The following SOX13 variants were observed in gnomAD, a reference collection of about 807,000 sequenced individuals.
SOX13 encodes SRY-box transcription factor 13.
Under a neutral mutation model 71.8 loss-of-function variants are expected in SOX13, and 28 were observed. The observed-to-expected ratio is 0.39, with a 90% confidence interval of 0.29 to 0.53. The LOEUF (loss-of-function observed/expected upper bound fraction) is 0.53, where lower values mean the gene tolerates loss of function less well. Among genes scored for constraint, SOX13 ranks in the 20% least tolerant of loss-of-function variants. SOX13 has a pLI of 0.70. For synonymous variants in SOX13, 309 were observed against 317.8 expected (o/e 0.97, Z 0.29); for missense variants, 627 against 810.3 (o/e 0.77, Z 2.75).
At chr1:204,114,479 T>C (rs1327049359) in intron 3 of SOX13, 40 bp from the exon 4 acceptor site, 1 of 1,604,374 alleles carries the variant, frequency 6.2e-7, no homozygotes, top group Non-Finnish European at 8.5e-7. Flanking sequence ...GGCAGGGAGG[T>C]GTTAAGACGG....
chr1:204,120,785 A>T (rs868781240), intron 7 of SOX13, among the ~76,000 whole-genome samples: 11 of 152,124 alleles, frequency 7.2e-5, no homozygotes, highest in Non-Finnish European at 8.8e-5. Flanking sequence ...CATGATTTCT[A>T]CATGTGGCCT....
In SOX13 at chr1:204,081,192, C is replaced by T. The variant is rs1414213191; in HGVS notation, c.-2+7481C>T. 1.3e-5 allele frequency among the ~76,000 whole-genome samples: 2 copies of T among 152,130 alleles called. No individual in the cohort carries two copies. The highest frequency in any genetic ancestry group is 3.9e-4 in the East Asian group (2 of 5,180). ...CCTCCCGAAGTGCTGGGATTACAGGCATGAGCCACCACTCCCAGCCATGAC... is the reference window on the plus strand; with the variant it reads ...CCTCCCGAAGTGCTGGGATTACAGGTATGAGCCACCACTCCCAGCCATGAC... On this transcript the variant is annotated intron_variant, in intron 1 of 13. Coordinates refer to ENST00000367204, the MANE Select transcript of SOX13 (RefSeq NM_005686.3). This position sits in a 1 kb window ranked among gnomAD's most constrained non-coding sequence, Gnocchi z 4.3.
At chr1:204,117,461 C>A (rs1656718032) in intron 6 of SOX13, 132 bp from the exon 7 acceptor site, 1 of 685,424 alleles carries the variant, frequency 1.5e-6, no homozygotes, top group Non-Finnish European at 2.5e-6. Flanking sequence ...TCAAAGGGAT[C>A]CTTTGGAAAA....
chr1:204,097,691 C>T (rs1403578967), intron 1 of SOX13, among the ~76,000 whole-genome samples: 5 of 112,898 alleles, frequency 4.4e-5, no homozygotes, highest in Non-Finnish European at 8.6e-5. Context: ...GAAACTCCGT[C>T]TCAAAAAAAA....
At chr1:204,078,634 C>A (rs1457299689) in intron 1 of SOX13, among the ~76,000 whole-genome samples, 1 of 152,178 alleles carries the variant, frequency 6.6e-6, no homozygotes, top group Non-Finnish European at 1.5e-5. Flanking sequence ...GCCAGGGAGG[C>A]CATCACAGTG....
intron 1 of SOX13, among the ~76,000 whole-genome samples, chr1:204,079,254 T>G (rs557738919): frequency 2.9e-4 from 44 of 150,684 alleles, no homozygotes; most frequent in Non-Finnish European, 8.9e-5. Flanking sequence ...CACTCCAGCC[T>G]GGGTGACGGA....
intron 1 of SOX13, among the ~76,000 whole-genome samples, chr1:204,101,075 G>T (rs958627692): frequency 1.3e-4 from 20 of 152,214 alleles, no homozygotes; most frequent in African/African-American, 4.6e-4. Context: ...GAGAGGAGGA[G>T]GCCAAAGTTG....
chr1:204,120,272 A>G (rs1476453087), intron 7 of SOX13, among the ~76,000 whole-genome samples: 1 of 152,168 alleles, frequency 6.6e-6, no homozygotes, highest in Non-Finnish European at 1.5e-5. Flanking sequence ...ATTCCAAACC[A>G]TTGCAACTCC....
At chr1:204,076,026 A>G (rs1655779602) in intron 1 of SOX13, among the ~76,000 whole-genome samples, 1 of 152,086 alleles carries the variant, frequency 6.6e-6, no homozygotes, top group South Asian at 2.1e-4. Context: ...GATCAAACGT[A>G]TCCTTCTTAC....
At position 204,124,744 on chromosome 1, in the gene SOX13, C is replaced by T. The variant is rs995371841; in HGVS notation, c.1479C>T (p.Tyr493=). The T allele has an allele frequency of 1.2e-6, 2 of 1,610,886 alleles. No individual in the cohort carries two copies. The highest frequency in any genetic ancestry group is 1.7e-6 in the Non-Finnish European group (2 of 1,178,738). ...TGGAGAAGTATCCTGACTACAAGTA[C>T]AAGCCGCGGCCCAAGCGCACCTGCA... The part of the protein sequence containing the change: ...QHLEKYPDYK[Y]KPRPKRTCIV... Residue 493 remains tyrosine, a synonymous_variant, in exon 13 of 14, where the codon TAC becomes TAT. Transcript: ENST00000367204.
chr1:204,121,785 C>T (rs938721856), intron 7 of SOX13, 115 bp from the exon 8 acceptor site: 1 of 766,996 alleles, frequency 1.3e-6, no homozygotes, highest in Admixed American at 2.0e-5. Flanking sequence ...TGGTTGGAAC[C>T]AAGCTGGTCC....
At position 204,081,503 on chromosome 1, in the gene SOX13, C is replaced by A. The variant is rs1379783693; in HGVS notation, c.-2+7792C>A. ...CCTTTCACGATGACAACTGAGTGGGCCCCACGGACCCCCTGGCGGGCTCTG... is the reference window on the plus strand; with the variant it reads ...CCTTTCACGATGACAACTGAGTGGGACCCACGGACCCCCTGGCGGGCTCTG... On this transcript the variant is annotated intron_variant, in intron 1 of 13. Transcript: ENST00000367204. This position sits in a 1 kb window ranked among gnomAD's most constrained non-coding sequence, Gnocchi z 4.3. Among the ~76,000 whole-genome samples, 1 of 152,124 alleles carries A rather than the reference C, an allele frequency of 6.6e-6. No individual in the cohort carries two copies. The highest frequency in any genetic ancestry group is 2.4e-5 in the African/African-American group (1 of 41,428).
chr1:204,087,759 G>A (rs373845684), intron 1 of SOX13, among the ~76,000 whole-genome samples: 6 of 152,208 alleles, frequency 3.9e-5, no homozygotes, highest in Admixed American at 1.3e-4. Context: ...TTCAAAGCCC[G>A]GATGTGGAGT....
At chr1:204,091,727 C>CGT (rs1300686135) in intron 1 of SOX13, among the ~76,000 whole-genome samples, 2 of 100,824 alleles carry the variant, frequency 2.0e-5, no homozygotes, top group Non-Finnish European at 4.4e-5. Context: ...TCTTTGTGTG[C>CGT]GTGTGCGTGT....
chr1:204,077,030 T>C (rs59450296), intron 1 of SOX13, among the ~76,000 whole-genome samples: 1,812 of 152,300 alleles, frequency 0.012, 33 homozygotes, highest in African/African-American at 0.04. Flanking sequence ...AGAAAACATA[T>C]GTAGGTCAGG....
At chr1:204,080,988 C>T (rs1025357349) in intron 1 of SOX13, among the ~76,000 whole-genome samples, 13 of 151,300 alleles carry the variant, frequency 8.6e-5, no homozygotes, top group South Asian at 2.1e-4. Context: ...CTCAGCTCAC[C>T]GCAACATCCG....
Position 204,116,635 on chromosome 1 carries a change from AAGC to A in SOX13, c.559_561del (p.Gln187del), listed in dbSNP as rs746318457. On this transcript the variant is annotated inframe_deletion, in exon 5 of 14. Coordinates refer to ENST00000367204, the MANE Select transcript of SOX13 (RefSeq NM_005686.3). Reference sequence around the variant, plus strand: ...GAACATGGCTGCCATGCTGTTTGAGAAGCAGCAGCAGCAGATGGAGCTTGCCCG... The same window carrying A: ...GAACATGGCTGCCATGCTGTTTGAGAAGCAGCAGCAGATGGAGCTTGCCCG... 1 of 1,613,882 alleles carries A rather than the reference AAGC, an allele frequency of 6.2e-7. No homozygotes were observed. The highest frequency in any genetic ancestry group is 8.5e-7 in the Non-Finnish European group (1 of 1,179,792).
In SOX13 at chr1:204,126,292, G is replaced by A. The variant is rs1304102710; in HGVS notation, c.*158G>A. 6.3e-6 allele frequency: 5 copies of A among 794,348 alleles called. No individual in the cohort carries two copies. The Middle Eastern group carries it at 1.1e-3, about 176-fold the overall frequency. 49.2% of individuals were successfully genotyped at this position (794,348 alleles called of 1,614,324 possible). A position where few individuals can be genotyped will look rare whatever the true frequency, so the allele number is the denominator to read the frequency against. ...ACTTGCAGATACATTCATGAGGGGA[G>A]AGGCGCCCTCCCTTCCTGAGGAGCT... On this transcript the variant is annotated 3_prime_UTR_variant, in exon 14 of 14. Coordinates refer to ENST00000367204, the MANE Select transcript of SOX13 (RefSeq NM_005686.3).
chr1:204,112,179 G>A (rs886593707), intron 1 of SOX13, among the ~76,000 whole-genome samples: 3 of 152,144 alleles, frequency 2.0e-5, no homozygotes, highest in South Asian at 2.1e-4. Flanking sequence ...GGTGGCTTAC[G>A]CCTGTAATTC....
Sources: gnomAD v4.1 joint callset for allele counts (sites outside exome capture counted in the v4.1 genomes callset) on GRCh38, gnomAD v4.1.1 for gene constraint, Gnocchi (gnomAD v3.1) non-coding constraint, MANE v1.5 for transcripts, NCBI Gene and HGNC (gene_info 2026-07-23, HGNC 2026-07-21) for gene names.